EP400: variants seen among roughly 807,000 people sequenced by gnomAD.
EP400 encodes E1A-binding protein p400.
A neutral mutation model predicts 354.1 loss-of-function variants in EP400; 105 were observed. The observed-to-expected ratio is 0.30, with a 90% CI of 0.25 to 0.35. The LOEUF (loss-of-function observed/expected upper bound fraction) is 0.35. EP400 is among the 10% of genes least tolerant of loss of function. The pLI is 1.00. For missense variants in EP400, 3,280 were observed against 4,121.0 expected (o/e 0.80, Z 5.59); for synonymous variants, 1,646 against 1,716.9 (o/e 0.96, Z 1.02).
intron 45 of EP400, among the ~76,000 whole-genome samples, chr12:132,060,886 C>A (rs1895669247): frequency 6.8e-6 from 1 of 148,134 alleles, no homozygotes; most frequent in Admixed American, 6.8e-5. Flanking sequence ...TGCAGTGCAG[C>A]CTGGGCAACG....
chr12:131,981,841 CT>C (rs760909596), intron 4 of EP400, among the ~76,000 whole-genome samples: 41 of 152,314 alleles, frequency 2.7e-4, no homozygotes, highest in Non-Finnish European at 5.1e-4. Flanking sequence ...ATTTTTACTC[CT>C]ATGTTTTTCC....
intron 15 of EP400, among the ~76,000 whole-genome samples, chr12:132,009,906 C>G (rs1371123176): frequency 6.8e-6 from 1 of 146,132 alleles, no homozygotes; most frequent in Non-Finnish European, 1.5e-5. Flanking sequence ...AACTCCTGGC[C>G]TCAAAAGATC....
At chr12:131,952,063 G>C (rs949621348) in intron 1 of EP400, among the ~76,000 whole-genome samples, 2 of 151,888 alleles carry the variant, frequency 1.3e-5, no homozygotes, top group Non-Finnish European at 1.5e-5. Context: ...GGGATTACAG[G>C]CATGGTGAGC....
chr12:131,951,504 C>T (rs1302513323), intron 1 of EP400, among the ~76,000 whole-genome samples: 1 of 152,160 alleles, frequency 6.6e-6, no homozygotes, highest in African/African-American at 2.4e-5. Flanking sequence ...AATAGGGCTT[C>T]TCTCTGGGTT....
At chr12:131,996,952 G>T (rs760988797) in intron 12 of EP400, among the ~76,000 whole-genome samples, 1 of 152,108 alleles carries the variant, frequency 6.6e-6, no homozygotes, top group Non-Finnish European at 1.5e-5. Flanking sequence ...GATGAAAGGC[G>T]TTCTTAATTT....
chr12:132,051,131 GA>G (rs1441176168), intron 41 of EP400: 2 of 184,048 alleles, frequency 1.1e-5, no homozygotes, highest in Admixed American at 5.3e-5. Flanking sequence ...ATGGATGGTG[GA>G]ACCCCAGTGT....
chr12:131,985,392 C>T (rs572923829), intron 5 of EP400, among the ~76,000 whole-genome samples: 4 of 152,342 alleles, frequency 2.6e-5, no homozygotes, highest in South Asian at 4.1e-4. Context: ...AGCCGGGAGA[C>T]GGCGCTGCCG....
intron 12 of EP400, among the ~76,000 whole-genome samples, chr12:132,004,303 A>G (rs2072079210): frequency 3.9e-5 from 6 of 152,248 alleles, no homozygotes; most frequent in Admixed American, 3.9e-4. Flanking sequence ...AGGGATGATT[A>G]ATGAAAAAAC....
At chr12:132,031,185 G>C (rs775673412) in intron 29 of EP400, 1 of 498,158 alleles carries the variant, frequency 2.0e-6, no homozygotes, top group Non-Finnish European at 4.0e-6. Flanking sequence ...GGTCAACAGT[G>C]AGGTTAGAGG....
chr12:132,055,325 T>C (rs1347705100), intron 45 of EP400, 117 bp downstream of exon 45: 1 of 857,564 alleles, frequency 1.2e-6, no homozygotes, highest in Non-Finnish European at 1.8e-6. Context: ...ACTGTCTAGT[T>C]TGAATTTCAT....
rs535405073 is a variant in EP400 at position 132,002,633 on chromosome 12, C to T, written c.2828-2444C>T. Among the ~76,000 whole-genome samples the T allele has an allele frequency of 3.3e-5, 5 of 152,346 alleles. No homozygotes were observed. The South Asian group carries it at 6.2e-4, about 19-fold the overall frequency. The stretch of plus-strand genomic sequence containing the variant: ...ATGCTGAGGGCAGGCTGAGTGTCCT[C>T]CTGACCTGGGGCTGGTGTCCGAGAG... On this transcript the variant is annotated intron_variant, in intron 12 of 52. Coordinates refer to ENST00000389561, the MANE Select transcript of EP400 (RefSeq NM_015409.5).
chr12:132,003,822 A>G (rs1050508483), intron 12 of EP400, among the ~76,000 whole-genome samples: 7 of 152,224 alleles, frequency 4.6e-5, no homozygotes, highest in Admixed American at 1.3e-4. Context: ...CCAGTGTGGC[A>G]AATATTTAAC....
intron 5 of EP400, among the ~76,000 whole-genome samples, chr12:131,983,923 C>T (rs1295014927): frequency 5.3e-5 from 8 of 150,856 alleles, no homozygotes; most frequent in South Asian, 4.2e-4. Context: ...TTTTTTTAGA[C>T]GGAGTTTCGC....
chr12:131,992,075 C>G, intron 10 of EP400, 98 bp from the exon 11 acceptor site: 1 of 1,356,550 alleles, frequency 7.4e-7, no homozygotes, highest in Non-Finnish European at 1.0e-6. Context: ...AGGCTTGCCC[C>G]GGGGCTCCCC....
At chr12:132,019,979 C>G in intron 21 of EP400, 70 bp from the exon 22 acceptor site, 2 of 1,429,430 alleles carry the variant, frequency 1.4e-6, no homozygotes, top group Non-Finnish European at 1.8e-6. Context: ...AACCCCGGCT[C>G]CATGAGGTGG....
intron 23 of EP400, 99 bp from the exon 24 acceptor site, chr12:132,023,678 G>A (rs1894202805): frequency 8.7e-7 from 1 of 1,152,450 alleles, no homozygotes; most frequent in African/African-American, 1.6e-5. Flanking sequence ...TTCAGTTTAT[G>A]ATAGATGGTC....
intron 45 of EP400, 64 bp from the exon 46 acceptor site, chr12:132,062,046 G>C (rs1013833488): frequency 6.9e-7 from 1 of 1,453,740 alleles, no homozygotes; most frequent in Non-Finnish European, 9.5e-7. Context: ...TCCCTGCTCT[G>C]AGTGTGAACA....
At position 132,011,621 on chromosome 12, in the gene EP400, A is replaced by G. The variant is rs144638841; in HGVS notation, c.3428A>G (p.Lys1143Arg). The G allele has an allele frequency of 3.7e-3, 5,999 of 1,603,692 alleles. 18 individuals carry two copies. Among genetic ancestry groups the G allele is most frequent in the Non-Finnish European group, 4.8e-3 (5,593 of 1,177,274 alleles). The change falls in exon 16 of 53, where the codon AAA (lysine) becomes AGA (arginine). Residue 1143 changes from lysine to arginine, a missense_variant. This residue lies in a region of EP400 where 242 missense variants were observed against 357.9 expected (regional missense o/e 0.68). Transcript: ENST00000389561. ...TATATTGGCAGCCACAGAGAACTCA[A>G]AGCAAAGAGACAGGTATTTTTTTTT... ...LSYIGSHRELKAKRQEWAEPN... is the reference protein window; with the variant it reads ...LSYIGSHRELRAKRQEWAEPN...
intron 32 of EP400, among the ~76,000 whole-genome samples, chr12:132,042,437 G>A (rs1894944621): frequency 6.6e-6 from 1 of 152,196 alleles, no homozygotes; most frequent in Non-Finnish European, 1.5e-5. Flanking sequence ...TATAGTGGGT[G>A]CTTTTTGTGC....
Sources: allele counts gnomAD v4.1 joint callset (sites outside exome capture counted in the v4.1 genomes callset), GRCh38; gene constraint gnomAD v4.1.1; regional missense constraint gnomAD v4.1.1; transcripts MANE v1.5; gene names NCBI Gene and HGNC (gene_info 2026-07-23, HGNC 2026-07-21).